BCAS3: variants seen among roughly 807,000 people sequenced by gnomAD.
The protein encoded by BCAS3 is BCAS3 microtubule associated cell migration factor, also known as BCAS4/BCAS3 fusion.
BCAS3 carries 53 observed loss-of-function variants against 116.1 expected under a neutral mutation model. That is an observed-to-expected ratio of 0.46 (90% CI 0.37 to 0.57). The LOEUF is 0.57. Among genes scored for constraint, BCAS3 ranks in the 20% least tolerant of loss-of-function variants. The pLI, the probability that BCAS3 is intolerant of heterozygous loss-of-function variation, is 0.00. For missense variants in BCAS3, 917 were observed against 1,165.4 expected, an observed-to-expected ratio of 0.79 and a Z score of 3.10; for synonymous variants, 391 against 408.2, an observed-to-expected ratio of 0.96 and a Z score of 0.51.
In BCAS3 at chr17:61,003,019, C is replaced by T. The variant is rs138246416; in HGVS notation, c.1487-12732C>T. ...GAAAGGAGGCACTTTTTGGCCTATC[C>T]TCCCCACTCTCGGGTGTCATTCCCC... On this transcript the variant is annotated intron_variant, in intron 15 of 23. Coordinates refer to ENST00000407086, the MANE Select transcript of BCAS3 (RefSeq NM_017679.5). 6.5e-4 allele frequency among the ~76,000 whole-genome samples: 98 copies of T among 151,800 alleles called. No homozygotes were observed. In the East Asian group the frequency reaches 0.017, roughly 26 times the overall value.
At chr17:60,716,026 C>T (rs547218807) in intron 5 of BCAS3, among the ~76,000 whole-genome samples, 1 of 151,946 alleles carries the variant, frequency 6.6e-6, no homozygotes, top group South Asian at 2.1e-4. Flanking sequence ...CCACACCCAG[C>T]TAATTTTTAT....
At chr17:61,322,838 G>GAGAC (rs2055389836) in intron 22 of BCAS3, among the ~76,000 whole-genome samples, 1 of 139,134 alleles carries the variant, frequency 7.2e-6, no homozygotes, top group African/African-American at 3.1e-5. Context: ...GACAGAGAGA[G>GAGAC]AGAGAGAGAG....
At chr17:60,965,886 G>A (rs1286395441) in intron 14 of BCAS3, among the ~76,000 whole-genome samples, 1 of 152,192 alleles carries the variant, frequency 6.6e-6, no homozygotes. Context: ...TAACTCTGCT[G>A]TTTCATTGTT....
At chr17:60,900,197 A>AG (rs1248469242) in intron 10 of BCAS3, 8 of 140,104 alleles carry the variant, frequency 5.7e-5, no homozygotes, top group African/African-American at 2.6e-4. Context: ...AAAAAAAAAA[A>AG]AAAAGAAAGA....
At chr17:60,976,020 C>CTTTTTTTTTTTTTTCTTTTTT (rs2062330872) in intron 14 of BCAS3, among the ~76,000 whole-genome samples, 4 of 98,286 alleles carry the variant, frequency 4.1e-5, no homozygotes, top group East Asian at 3.5e-4. Context: ...TAGATTTTTG[C>CTTTTTTTTTTTTTTCTTTTTT]TTTTTTTTTT....
At chr17:61,045,867 A>ACTCTCTCTC (rs2068041923) in intron 19 of BCAS3, among the ~76,000 whole-genome samples, 2 of 22,270 alleles carry the variant, frequency 9.0e-5, no homozygotes, top group African/African-American at 7.0e-4. Flanking sequence ...ATATATATAA[A>ACTCTCTCTC]TATATATAAA....
rs1003391006 is a variant in BCAS3 at position 61,008,738 on chromosome 17, A to G, written c.1487-7013A>G. On this transcript the variant is annotated intron_variant, in intron 15 of 23. Coordinates refer to ENST00000407086, the MANE Select transcript of BCAS3 (RefSeq NM_017679.5). The surrounding 1 kb of genome is among the most constrained non-coding windows in gnomAD (Gnocchi z 4.6). Reference sequence around the variant, plus strand: ...AAAAAAAGGCCCCGTAGAACTCATCATCTAGTTTTTATTTTTGAAAGATAT... The same window carrying G: ...AAAAAAAGGCCCCGTAGAACTCATCGTCTAGTTTTTATTTTTGAAAGATAT... Among the ~76,000 whole-genome samples, 4 of 152,102 alleles carry G rather than the reference A, an allele frequency of 2.6e-5. No individual in the cohort carries two copies. Among genetic ancestry groups the G allele is most frequent in the Non-Finnish European group, 4.4e-5 (3 of 67,986 alleles).
chr17:60,689,144 A>T (rs1428573673), intron 3 of BCAS3: 1 of 152,252 alleles, frequency 6.6e-6, no homozygotes, highest in Non-Finnish European at 1.5e-5. Flanking sequence ...GCTTCAAAAT[A>T]GATTGTGATC....
rs990151628 is a variant in BCAS3 at position 61,097,656 on chromosome 17, C to A, written c.2425+13092C>A. On this transcript the variant is annotated intron_variant, in intron 22 of 23. Coordinates refer to ENST00000407086, the MANE Select transcript of BCAS3 (RefSeq NM_017679.5). This position sits in a 1 kb window ranked among gnomAD's most constrained non-coding sequence, Gnocchi z 4.0. Reference sequence around the variant, plus strand: ...AGACAGAAGTAAAAGAGATGGGAAACCAGTATTAATTTATAAACAGTTAGG... The same window carrying A: ...AGACAGAAGTAAAAGAGATGGGAAAACAGTATTAATTTATAAACAGTTAGG... 1.3e-5 allele frequency among the ~76,000 whole-genome samples: 2 copies of A among 152,128 alleles called. No individual in the cohort carries two copies. Among genetic ancestry groups the A allele is most frequent in the Non-Finnish European group, 2.9e-5 (2 of 68,010 alleles).
intron 4 of BCAS3, among the ~76,000 whole-genome samples, chr17:60,697,659 C>T (rs1457453686): frequency 6.6e-6 from 1 of 151,792 alleles, no homozygotes; most frequent in Non-Finnish European, 1.5e-5. Flanking sequence ...ATCCAGTATC[C>T]CTATCCTCCC....
rs1157995 is a variant in BCAS3, at chr17:61,261,062, A to G, written c.2426-107265A>G. 0.55 allele frequency among the ~76,000 whole-genome samples: 84,202 copies of G among 152,100 alleles called. 25,019 individuals carry two copies. Among genetic ancestry groups the G allele is most frequent in the East Asian group, 0.82 (4,253 of 5,180 alleles). Reference sequence around the variant, plus strand: ...AGGGTGAATGCTCTCCCAAACTATCATCAAACGCATTTATCTAATTTGACA... The same window carrying G: ...AGGGTGAATGCTCTCCCAAACTATCGTCAAACGCATTTATCTAATTTGACA... On this transcript the variant is annotated intron_variant, in intron 22 of 23. Transcript: ENST00000407086. This position sits in a 1 kb window ranked among gnomAD's most constrained non-coding sequence, Gnocchi z 4.4.
chr17:61,366,186 C>G lies in BCAS3; in HGVS notation c.2426-2141C>G, dbSNP rs2058722585. Among the ~76,000 whole-genome samples the G allele has an allele frequency of 6.6e-6, 1 of 151,554 alleles. No individual in the cohort carries two copies. Among genetic ancestry groups the G allele is most frequent in the African/African-American group, 2.4e-5 (1 of 41,230 alleles). ...AGCCAACAGGGAGGAGGAGGGCCCA[C>G]GTTTTCTTGTTATCATTAAGTCCTT... On this transcript the variant is annotated intron_variant, in intron 22 of 23. Transcript: ENST00000407086. This position sits in a 1 kb window ranked among gnomAD's most constrained non-coding sequence, Gnocchi z 4.5.
In BCAS3 at chr17:61,227,347, G is replaced by A. The variant is rs545231567; in HGVS notation, c.2426-140980G>A. Among the ~76,000 whole-genome samples, 6 of 152,300 alleles carry A rather than the reference G, an allele frequency of 3.9e-5. No individual in the cohort carries two copies. The East Asian group carries it at 1.2e-3, about 29-fold the overall frequency. ...CTCTGAAATCCATCCCTGGATCCCA[G>A]ATTAAGGTAATTCATTTGGCCTCTG... On this transcript the variant is annotated intron_variant, in intron 22 of 23. Coordinates refer to ENST00000407086, the MANE Select transcript of BCAS3 (RefSeq NM_017679.5). The surrounding 1 kb of genome is among the most constrained non-coding windows in gnomAD (Gnocchi z 6.1).
rs1462304390 is a variant in BCAS3 at position 61,243,346 on chromosome 17, A to G, written c.2426-124981A>G. 3.9e-5 allele frequency among the ~76,000 whole-genome samples: 6 copies of G among 152,304 alleles called. No individual in the cohort carries two copies. Among genetic ancestry groups the G allele is most frequent in the South Asian group, 2.1e-4 (1 of 4,830 alleles). On this transcript the variant is annotated intron_variant, in intron 22 of 23. Coordinates refer to ENST00000407086, the MANE Select transcript of BCAS3 (RefSeq NM_017679.5). The surrounding 1 kb of genome is among the most constrained non-coding windows in gnomAD (Gnocchi z 5.6). ...CTGAGTAATATTCCATTGTGTCTAT[A>G]TACTATATTTTCTTTATCCATTCAT...
intron 8 of BCAS3, among the ~76,000 whole-genome samples, chr17:60,871,256 C>T (rs138761136): frequency 6.6e-6 from 1 of 152,276 alleles, no homozygotes; most frequent in East Asian, 1.9e-4. Context: ...CCTTAAACTC[C>T]CAAGCTGAAG....
chr17:60,810,228 G>C, intron 7 of BCAS3: 1 of 435,770 alleles, frequency 2.3e-6, no homozygotes, highest in South Asian at 1.9e-5. Context: ...CTGTGCAGGT[G>C]CCCAGCTATG....
rs1377076463 is a variant in BCAS3 at position 61,202,169 on chromosome 17, G to A, written c.2425+117605G>A. ...TTTTTTTTTAAAGAGATGGAGTCTC[G>A]CTCTGTCTCCCAGGTTGGAGTGCAG... is the stretch of plus-strand genomic sequence containing the variant. On this transcript the variant is annotated intron_variant, in intron 22 of 23. Transcript: ENST00000407086. Among the ~76,000 whole-genome samples the A allele has an allele frequency of 4.8e-5, 6 of 126,012 alleles. No individual in the cohort carries two copies. The Admixed American group carries it at 4.8e-4, about 10-fold the overall frequency. 82.7% of individuals were successfully genotyped at this position (126,012 alleles called of 152,430 possible).
intron 6 of BCAS3, among the ~76,000 whole-genome samples, chr17:60,756,196 C>T (rs943988227): frequency 6.6e-6 from 1 of 152,136 alleles, no homozygotes; most frequent in Non-Finnish European, 1.5e-5. Context: ...AAGGAGTGCA[C>T]AACTTAGATC....
intron 21 of BCAS3, among the ~76,000 whole-genome samples, chr17:61,079,426 A>G (rs2072340077): frequency 6.6e-6 from 1 of 152,080 alleles, no homozygotes; most frequent in South Asian, 2.1e-4. Context: ...TGCCTGATGT[A>G]TCTGTTTAGA....
Sources: allele counts gnomAD v4.1 joint callset (sites outside exome capture counted in the v4.1 genomes callset), GRCh38; gene constraint gnomAD v4.1.1; non-coding constraint Gnocchi (gnomAD v3.1); transcripts MANE v1.5; gene names NCBI Gene and HGNC (gene_info 2026-07-23, HGNC 2026-07-21).